Variants in TIAM1 observed in about 807,000 individuals in gnomAD.
TIAM1 encodes rho guanine nucleotide exchange factor TIAM1.
A neutral mutation model predicts 163.5 loss-of-function variants in TIAM1; 65 were observed. The ratio of observed to expected loss-of-function variants is 0.40; its 90% confidence interval spans 0.33 to 0.49. The LOEUF (loss-of-function observed/expected upper bound fraction) is 0.49. Ranked by LOEUF, TIAM1 falls within the 20% of genes least tolerant of loss-of-function variation. The probability of loss-of-function intolerance (pLI) is 0.77; values close to 1 mark genes in which losing one functional copy is unlikely to be tolerated. For missense variants in TIAM1, 1,789 were observed against 2,044.7 expected (o/e 0.87, Z 2.41); for synonymous variants, 833 against 810.1 (o/e 1.03, Z -0.48).
chr21:31,382,809 C>A (rs1042683661), intron 2 of TIAM1, among the ~76,000 whole-genome samples: 1 of 152,156 alleles, frequency 6.6e-6, no homozygotes, highest in African/African-American at 2.4e-5. Context: ...GAAACAACGA[C>A]CCATGTGTCA....
intron 2 of TIAM1, among the ~76,000 whole-genome samples, chr21:31,284,801 G>A (rs1052816808): frequency 2.0e-5 from 3 of 151,832 alleles, no homozygotes; most frequent in African/African-American, 7.3e-5. Flanking sequence ...GAGGAATTTG[G>A]TTCTAATTCT....
At chr21:31,155,250 C>T (rs1440075582) in intron 16 of TIAM1, among the ~76,000 whole-genome samples, 1 of 152,220 alleles carries the variant, frequency 6.6e-6, no homozygotes, top group Non-Finnish European at 1.5e-5. Flanking sequence ...AAAGCAAGGG[C>T]TGCTGTAAAA....
In TIAM1 at chr21:31,529,457, TCC is replaced by T. The variant is rs531200587; in HGVS notation, c.-422+29468_-422+29469del. Among the ~76,000 whole-genome samples the T allele has an allele frequency of 1.0e-3, 157 of 152,256 alleles. 3 individuals are homozygous for T. Among genetic ancestry groups the T allele is most frequent in the South Asian group, 7.5e-3 (36 of 4,828 alleles). Reference sequence around the variant, plus strand: ...AAGATTTCAGAAACGAGGAGTATGTTCCCTTCAGTAGCTCTTGAATACCTTGA... The same window carrying T: ...AAGATTTCAGAAACGAGGAGTATGTTCTTCAGTAGCTCTTGAATACCTTGA... On this transcript the variant is annotated intron_variant, in intron 1 of 28. Coordinates refer to the TIAM1 transcript ENST00000286827.
In TIAM1 at chr21:31,395,742, C is replaced by G. The variant is rs971787788; in HGVS notation, c.-368-56320G>C. 6.6e-6 allele frequency among the ~76,000 whole-genome samples: 1 copy of G among 152,046 alleles called. No homozygotes were observed. Among genetic ancestry groups the G allele is most frequent in the Non-Finnish European group, 1.5e-5 (1 of 68,004 alleles). Reference sequence around the variant, plus strand: ...CCTGGCTGTCGCGTGAAAATTTTTGCTTTATAAATTGGGGAGGTTATTAAA... The same window carrying G: ...CCTGGCTGTCGCGTGAAAATTTTTGGTTTATAAATTGGGGAGGTTATTAAA... On this transcript the variant is annotated intron_variant, in intron 2 of 28. Coordinates refer to the TIAM1 transcript ENST00000286827. The surrounding 1 kb of genome is among the most constrained non-coding windows in gnomAD (Gnocchi z 7.5).
At chr21:31,345,031 T>C (rs533382644), upstream of TIAM1, among the ~76,000 whole-genome samples, 2 of 152,260 alleles carry the variant, frequency 1.3e-5, no homozygotes, top group South Asian at 2.1e-4. Flanking sequence ...TTGACCTTGG[T>C]TTCCAAACAG....
intron 2 of TIAM1, among the ~76,000 whole-genome samples, chr21:31,332,531 A>G (rs2075707893): frequency 6.6e-6 from 1 of 152,122 alleles, no homozygotes; most frequent in Non-Finnish European, 1.5e-5. Context: ...CTAGCAAATA[A>G]TGATAATCAT....
intron 22 of TIAM1, among the ~76,000 whole-genome samples, chr21:31,139,865 T>C (rs569283056): frequency 1.3e-5 from 2 of 152,204 alleles, no homozygotes; most frequent in Non-Finnish European, 2.9e-5. Context: ...CGATTCTTTG[T>C]AAAGTGTAGG....
intron 22 of TIAM1, among the ~76,000 whole-genome samples, chr21:31,137,811 A>T (rs1231378372): frequency 1.3e-5 from 2 of 151,012 alleles, no homozygotes; most frequent in Non-Finnish European, 2.9e-5. Context: ...AGAGACAAGG[A>T]GCACACCAGA....
chr21:31,527,184 C>G (rs1483425703), intron 1 of TIAM1, among the ~76,000 whole-genome samples: 1 of 152,164 alleles, frequency 6.6e-6, no homozygotes, highest in Non-Finnish European at 1.5e-5. Flanking sequence ...GCCTGCAAAA[C>G]TCTCCATGCC....
At chr21:31,174,143 G>A (rs1247593463) in intron 15 of TIAM1, among the ~76,000 whole-genome samples, 4 of 152,140 alleles carry the variant, frequency 2.6e-5, no homozygotes, top group South Asian at 2.1e-4. Context: ...TTCCTTTGCC[G>A]CCCCTCCCTG....
chr21:31,358,625 G>A (rs1483908966), intron 2 of TIAM1, among the ~76,000 whole-genome samples: 1 of 151,734 alleles, frequency 6.6e-6, no homozygotes, highest in Non-Finnish European at 1.5e-5. Flanking sequence ...ATCCCACATC[G>A]AATCAGTCGG....
At chr21:31,360,169 G>A (rs1399505081) in intron 2 of TIAM1, among the ~76,000 whole-genome samples, 1 of 152,100 alleles carries the variant, frequency 6.6e-6, no homozygotes, top group Non-Finnish European at 1.5e-5. Context: ...ACAGATGCCA[G>A]AAGATAATGA....
At chr21:31,420,662 T>C (rs1329580165) in intron 2 of TIAM1, among the ~76,000 whole-genome samples, 2 of 152,198 alleles carry the variant, frequency 1.3e-5, no homozygotes, top group Non-Finnish European at 2.9e-5. Flanking sequence ...TTCCAAACTT[T>C]GTCCAGCAGA....
At chr21:31,281,469 C>A (rs2073564887) in intron 2 of TIAM1, among the ~76,000 whole-genome samples, 1 of 152,144 alleles carries the variant, frequency 6.6e-6, no homozygotes, top group South Asian at 2.1e-4. Flanking sequence ...CCAAATTTTC[C>A]ATAACCAGTA....
At chr21:31,548,462 G>A (rs148176823) in intron 1 of TIAM1, among the ~76,000 whole-genome samples, 62 of 150,360 alleles carry the variant, frequency 4.1e-4, no homozygotes, top group African/African-American at 1.3e-3. Flanking sequence ...TTAAATGTGG[G>A]GTTTCTCAAC....
At chr21:31,123,653 T>C (rs572735054) in intron 27 of TIAM1, among the ~76,000 whole-genome samples, 1 of 152,288 alleles carries the variant, frequency 6.6e-6, no homozygotes, top group Admixed American at 6.5e-5. Flanking sequence ...TGGTAATGGG[T>C]ACAAAGGCCA....
Position 31,266,207 on chromosome 21 carries a change from A to G in TIAM1, c.766T>C (p.Tyr256His), listed in dbSNP as rs1462594451. 1.9e-6 allele frequency: 3 copies of G among 1,614,144 alleles called. No individual in the cohort carries two copies. Among genetic ancestry groups the G allele is most frequent in the Non-Finnish European group, 2.5e-6 (3 of 1,180,030 alleles). Reference sequence around the variant, plus strand: ...ATATCAGACACCAAATTCCGACAGTAGCCTGCAAATTTGCTCCCCGGCCCC... The same window carrying G: ...ATATCAGACACCAAATTCCGACAGTGGCCTGCAAATTTGCTCCCCGGCCCC... ...NGGPGSKFAG[Y>H]CRNLVSDIPN... The change falls in exon 4 of 28, where the codon TAC becomes CAC. Residue 256 changes from tyrosine (Y) to histidine (H), a missense_variant. By Grantham distance (83) the Tyr-to-His change is moderately conservative. This residue lies in a region of TIAM1 where 555 missense variants were observed against 564.9 expected (regional missense o/e 0.98). Transcript: ENST00000541036.
At chr21:31,477,849 G>T (rs2147388599) in intron 1 of TIAM1, among the ~76,000 whole-genome samples, 1 of 152,316 alleles carries the variant, frequency 6.6e-6, no homozygotes, top group East Asian at 1.9e-4. Context: ...TGCTATCCTT[G>T]GGAAGCAAGT....
intron 2 of TIAM1, among the ~76,000 whole-genome samples, chr21:31,283,537 T>TTTTATTTATTTA (rs369790254): frequency 0.011 from 1,678 of 151,258 alleles, 14 homozygotes; most frequent in Middle Eastern, 0.021. Context: ...TCTTTCCCTT[T>TTTTATTTATTTA]TTTATTTATT....
Sources: gnomAD v4.1 joint callset for allele counts (sites outside exome capture counted in the v4.1 genomes callset) on GRCh38, gnomAD v4.1.1 for gene constraint, gnomAD v4.1.1 regional missense constraint, Gnocchi (gnomAD v3.1) non-coding constraint, MANE v1.5 for transcripts, NCBI Gene and HGNC (gene_info 2026-07-23, HGNC 2026-07-21) for gene names.